Variants in LAMA4 observed in about 807,000 individuals in gnomAD.
LAMA4 encodes the protein laminin subunit alpha-4.
LAMA4 carries 127 observed loss-of-function variants against 207.1 expected under a neutral mutation model. The ratio of observed to expected loss-of-function variants is 0.61; its 90% CI spans 0.53 to 0.71. The LOEUF is 0.71. LAMA4 is among the 30% of genes least tolerant of loss of function. The pLI is 0.00. For synonymous variants in LAMA4, 761 were observed against 816.0 expected (o/e 0.93, Z 1.15); for missense variants, 2,093 against 2,246.5 (o/e 0.93, Z 1.38).
chr6:112,154,009 G>A (rs1164434512), intron 16 of LAMA4, among the ~76,000 whole-genome samples: 3 of 152,114 alleles, frequency 2.0e-5, no homozygotes, highest in African/African-American at 7.2e-5. Flanking sequence ...AAAATTGGGT[G>A]AGGTTTTTAG....
At chr6:112,207,168 A>T in intron 3 of LAMA4, 23 bp from the exon 4 acceptor site, 1 of 1,613,476 alleles carries the variant, frequency 6.2e-7, no homozygotes, top group South Asian at 1.1e-5. Context: ...AGACAAGAAG[A>T]TTGACAAGGA....
chr6:112,114,237 T>A (rs782239919), intron 37 of LAMA4, 42 bp from the exon 38 acceptor site: 149 of 1,597,226 alleles, frequency 9.3e-5, no homozygotes, highest in Middle Eastern at 5.0e-4. Flanking sequence ...GGCACTGGAG[T>A]GATGAATTTT....
chr6:112,167,855 C>T (rs1408955948), intron 12 of LAMA4, among the ~76,000 whole-genome samples: 2 of 132,128 alleles, frequency 1.5e-5, no homozygotes, highest in African/African-American at 6.1e-5. Context: ...CACACACACA[C>T]ACACACACAC....
intron 13 of LAMA4, among the ~76,000 whole-genome samples, chr6:112,163,426 A>T (rs1781193659): frequency 6.6e-6 from 1 of 152,214 alleles, no homozygotes; most frequent in African/African-American, 2.4e-5. Context: ...GAGGGTGTGC[A>T]GAGGCGAGGC....
intron 24 of LAMA4, among the ~76,000 whole-genome samples, chr6:112,138,422 CTG>C (rs1257667091): frequency 2.0e-5 from 3 of 152,102 alleles, no homozygotes; most frequent in Admixed American, 1.3e-4. Flanking sequence ...TTTTGAATCA[CTG>C]TGTCACAAAG....
chr6:112,131,931 C>T (rs1313331918), intron 28 of LAMA4, among the ~76,000 whole-genome samples: 1 of 152,154 alleles, frequency 6.6e-6, no homozygotes, highest in Non-Finnish European at 1.5e-5. Context: ...CACCAATCCT[C>T]TACAGACCTT....
At chr6:112,237,356 GA>G in intron 2 of LAMA4, among the ~76,000 whole-genome samples, 1 of 152,300 alleles carries the variant, frequency 6.6e-6, no homozygotes, top group East Asian at 1.9e-4. Flanking sequence ...GCACTGATTT[GA>G]ATAAGATTTT....
intron 15 of LAMA4, 32 bp from the exon 16 acceptor site, chr6:112,154,979 T>G (rs1583739446): frequency 1.4e-6 from 2 of 1,413,580 alleles, no homozygotes; most frequent in East Asian, 4.6e-5. Context: ...AGGGTAAAAA[T>G]GACAGCAGAA....
At chr6:112,243,785 T>C (rs1180146097) in intron 2 of LAMA4, among the ~76,000 whole-genome samples, 1 of 152,182 alleles carries the variant, frequency 6.6e-6, no homozygotes, top group African/African-American at 2.4e-5. Context: ...AGGCTGGGCA[T>C]GGTGGCTCAT....
rs6917763 is a variant in LAMA4, at chr6:112,175,309, C to T, written c.1357+4G>A. On this transcript the variant is annotated splice_donor_region_variant and intron_variant, in intron 11 of 38. Transcript: ENST00000230538. ...TGGGTCAGCTATGAGAGGAATACAC[C>T]TACGTTCGTAAGCCTCATCTGCCTC... 6.2e-7 allele frequency: 1 copy of T among 1,613,628 alleles called. No homozygotes were observed. Among genetic ancestry groups the T allele is most frequent in the African/African-American group, 1.3e-5 (1 of 74,948 alleles).
chr6:112,251,074 A>G (rs1343925113), intron 2 of LAMA4, among the ~76,000 whole-genome samples: 2 of 152,144 alleles, frequency 1.3e-5, no homozygotes, highest in Non-Finnish European at 2.9e-5. Flanking sequence ...CTCAGCAATA[A>G]AGGACTCAGT....
intron 32 of LAMA4, 184 bp downstream of exon 32, chr6:112,121,830 T>C: frequency 1.7e-6 from 1 of 593,106 alleles, no homozygotes; most frequent in African/African-American, 1.9e-5. Context: ...AATTGGAAAG[T>C]CACAGAGAAT....
At chr6:112,242,149 G>A (rs1786564587) in intron 2 of LAMA4, among the ~76,000 whole-genome samples, 1 of 152,172 alleles carries the variant, frequency 6.6e-6, no homozygotes, top group South Asian at 2.1e-4. Flanking sequence ...GCTGAGAAGA[G>A]TTAGGTGGGA....
At chr6:112,125,584 A>T (rs1278575232) in intron 31 of LAMA4, among the ~76,000 whole-genome samples, 1 of 152,260 alleles carries the variant, frequency 6.6e-6, no homozygotes, top group African/African-American at 2.4e-5. Flanking sequence ...TGTTAAAAAA[A>T]TTTAAGGCTG....
intron 31 of LAMA4, among the ~76,000 whole-genome samples, chr6:112,126,479 G>A (rs981680733): frequency 2.6e-5 from 4 of 152,146 alleles, no homozygotes; most frequent in African/African-American, 9.7e-5. Flanking sequence ...TCAAACTCAG[G>A]AAGAGATCCT....
At chr6:112,216,151 C>T (rs558381668) in intron 3 of LAMA4, among the ~76,000 whole-genome samples, 12 of 152,168 alleles carry the variant, frequency 7.9e-5, no homozygotes, top group East Asian at 1.9e-4. Context: ...CAGGAGCCTC[C>T]GGGTGCACGT....
chr6:112,207,204 C>T, intron 3 of LAMA4, 59 bp from the exon 4 acceptor site: 1 of 1,583,486 alleles, frequency 6.3e-7, no homozygotes, highest in Non-Finnish European at 8.7e-7. Flanking sequence ...AGAGACAGCA[C>T]ATCTAAGCAT....
intron 3 of LAMA4, among the ~76,000 whole-genome samples, chr6:112,215,358 AC>A (rs1784568542): frequency 3.9e-5 from 6 of 152,228 alleles, no homozygotes; most frequent in Admixed American, 1.3e-4. Context: ...ATCAATAAAA[AC>A]ATTTGCATTT....
At chr6:112,194,811 T>C (rs1308765454) in intron 5 of LAMA4, among the ~76,000 whole-genome samples, 1 of 152,184 alleles carries the variant, frequency 6.6e-6, no homozygotes, top group African/African-American at 2.4e-5. Context: ...AGAGTAAGCA[T>C]TGGAGCCCTG....
Sources: allele counts gnomAD v4.1 joint callset (sites outside exome capture counted in the v4.1 genomes callset), GRCh38; gene constraint gnomAD v4.1.1; transcripts MANE v1.5; gene names NCBI Gene and HGNC (gene_info 2026-07-23, HGNC 2026-07-21).